PCBP3: variants seen among roughly 807,000 people sequenced by gnomAD.
The protein encoded by PCBP3 is poly(rC)-binding protein 3.
PCBP3 carries 25 observed loss-of-function variants against 52.7 expected under a neutral mutation model. That is an observed-to-expected ratio of 0.47 (90% CI 0.35 to 0.66). The LOEUF (loss-of-function observed/expected upper bound fraction) is 0.66, where lower values mean the gene tolerates loss of function less well. PCBP3 is among the 30% of genes least tolerant of loss of function. The probability of loss-of-function intolerance (pLI) is 0.01; values close to 1 mark genes in which losing one functional copy is unlikely to be tolerated. For synonymous variants in PCBP3, 162 were observed against 183.0 expected (o/e 0.89, Z 0.93); for missense variants, 391 against 490.3 (o/e 0.80, Z 1.91).
chr21:45,803,285 A>T (rs1465406770), intron 4 of PCBP3, among the ~76,000 whole-genome samples: 1 of 152,214 alleles, frequency 6.6e-6, no homozygotes, highest in Non-Finnish European at 1.5e-5. Context: ...GCTTTAAAAT[A>T]AGCAGATTGA....
chr21:45,822,123 G>T lies in PCBP3; in HGVS notation c.-125-27838G>T, dbSNP rs540939843. On this transcript the variant is annotated intron_variant, in intron 4 of 17. Transcript: ENST00000681687. ...GTGTGACTATCACCCATAGCCTCCG[G>T]TATCTCTCTGTGTTCAGTGTGAGGC... Among the ~76,000 whole-genome samples, 205 of 152,278 alleles carry T rather than the reference G, an allele frequency of 1.3e-3. 1 individual carries two copies. Among genetic ancestry groups the T allele is most frequent in the Admixed American group, 2.2e-3 (33 of 15,300 alleles).
At chr21:45,696,376 C>A (rs967414062) in intron 2 of PCBP3, among the ~76,000 whole-genome samples, 2 of 151,846 alleles carry the variant, frequency 1.3e-5, no homozygotes, top group African/African-American at 2.4e-5. Context: ...TATCAGAAGA[C>A]CATTAAGTGA....
chr21:45,868,025 G>C (rs559372447), intron 5 of PCBP3, among the ~76,000 whole-genome samples: 1 of 152,268 alleles, frequency 6.6e-6, no homozygotes, highest in South Asian at 2.1e-4. Flanking sequence ...GCAGCCAGGG[G>C]GTCTGGCACC....
At chr21:45,718,474 G>A (rs150135733) in intron 2 of PCBP3, among the ~76,000 whole-genome samples, 5 of 151,934 alleles carry the variant, frequency 3.3e-5, no homozygotes, top group South Asian at 4.2e-4. Flanking sequence ...TTACAGCTTC[G>A]AAAGACTCCT....
At chr21:45,869,758 C>T (rs1373085100) in intron 5 of PCBP3, among the ~76,000 whole-genome samples, 2 of 152,226 alleles carry the variant, frequency 1.3e-5, no homozygotes, top group Non-Finnish European at 2.9e-5. Context: ...GGCCTGTCCC[C>T]TCGCCACCAA....
chr21:45,771,176 G>A (rs1218412785), intron 4 of PCBP3, among the ~76,000 whole-genome samples: 1 of 152,230 alleles, frequency 6.6e-6, no homozygotes. Context: ...TGCTCTTGTT[G>A]CCTTGAACCA....
At chr21:45,866,369 G>T (rs1218871819) in intron 5 of PCBP3, among the ~76,000 whole-genome samples, 3 of 152,214 alleles carry the variant, frequency 2.0e-5, no homozygotes, top group Admixed American at 1.3e-4. Context: ...TTATCGCAAG[G>T]AAATGACACA....
At chr21:45,785,274 C>A (rs1355461630) in intron 4 of PCBP3, among the ~76,000 whole-genome samples, 1 of 151,898 alleles carries the variant, frequency 6.6e-6, no homozygotes, top group Non-Finnish European at 1.5e-5. Flanking sequence ...GCAGCCACCC[C>A]GTCCAGGAGG....
Position 45,904,129 on chromosome 21 carries a change from T to C in PCBP3, c.339+3016T>C, listed in dbSNP as rs1445558948. 6.6e-6 allele frequency among the ~76,000 whole-genome samples: 1 copy of C among 152,118 alleles called. No homozygotes were observed. The highest frequency in any genetic ancestry group is 2.4e-5 in the African/African-American group (1 of 41,426). On this transcript the variant is annotated intron_variant, in intron 9 of 17. Coordinates refer to ENST00000681687, the MANE Select transcript of PCBP3 (RefSeq NM_001384156.1). The surrounding 1 kb of genome is among the most constrained non-coding windows in gnomAD (Gnocchi z 4.8). ...GGGAAGCAGCCGTAACCTACGCTAT[T>C]ACGTAGGTTATGTAGGGCTGTGCTG...
chr21:45,918,546 G>A (rs777478715), intron 13 of PCBP3: 1 of 82,472 alleles, frequency 1.2e-5, no homozygotes, highest in African/African-American at 5.8e-5. Context: ...AGTGCTGGGG[G>A]AAGAAGTTAC....
chr21:45,777,135 T>G (rs2090320839), intron 4 of PCBP3, among the ~76,000 whole-genome samples: 1 of 152,104 alleles, frequency 6.6e-6, no homozygotes, highest in African/African-American at 2.4e-5. Context: ...TTTGCTTGTC[T>G]TGAAAGGACT....
Position 45,814,655 on chromosome 21 carries a change from GA to G in PCBP3, c.-125-35305del, listed in dbSNP as rs571706575. Among the ~76,000 whole-genome samples the G allele has an allele frequency of 9.7e-4, 131 of 135,574 alleles. 5 individuals are homozygous for G. Among genetic ancestry groups the G allele is most frequent in the African/African-American group, 3.6e-3 (123 of 34,224 alleles). The allele number at this position is 135,574 out of a possible 152,430, so 88.9% of individuals were successfully genotyped here. ...GGTGAGTGGTGAGTGAGTGGTGAGT[GA>G]GTGGTGAGTGATGAGTGGTGAGTGG... On this transcript the variant is annotated intron_variant, in intron 4 of 17. Coordinates refer to ENST00000681687, the MANE Select transcript of PCBP3 (RefSeq NM_001384156.1).
intron 12 of PCBP3, chr21:45,914,330 C>T (rs574090354): frequency 2.3e-5 from 12 of 514,740 alleles, no homozygotes; most frequent in South Asian, 6.1e-5. Flanking sequence ...CTTAGATAGC[C>T]GGCGCGCAGG....
Position 45,647,778 on chromosome 21 carries a change from A to G in PCBP3, c.-279+3910A>G, listed in dbSNP as rs533413442. ...GAGGAGGAGTTGCATGGTAGGTAGA[A>G]TAATGGCTCATAAAGCTGTCCACAT... On this transcript the variant is annotated intron_variant, in intron 1 of 17. Transcript: ENST00000681687. Among the ~76,000 whole-genome samples, 38 of 152,164 alleles carry G rather than the reference A, an allele frequency of 2.5e-4. 1 individual carries two copies. The highest frequency in any genetic ancestry group is 3.7e-4 in the Non-Finnish European group (25 of 68,018).
chr21:45,752,310 A>G (rs992614718), intron 3 of PCBP3, among the ~76,000 whole-genome samples: 1 of 151,142 alleles, frequency 6.6e-6, no homozygotes, highest in South Asian at 2.1e-4. Flanking sequence ...TTATTTTTCT[A>G]TTTCATTAAT....
chr21:45,759,675 C>A (rs2088430118), intron 4 of PCBP3: 1 of 152,192 alleles, frequency 6.6e-6, no homozygotes, highest in Non-Finnish European at 1.5e-5. Flanking sequence ...ACATATAATT[C>A]ATTGGTTTTC....
chr21:45,913,413 G>C (rs1474632318), intron 11 of PCBP3, among the ~76,000 whole-genome samples: 1 of 152,168 alleles, frequency 6.6e-6, no homozygotes, highest in Non-Finnish European at 1.5e-5. Context: ...GAGTCCTACA[G>C]GGCTCAACTT....
chr21:45,687,318 A>G (rs947639552), intron 2 of PCBP3, among the ~76,000 whole-genome samples: 3 of 152,234 alleles, frequency 2.0e-5, no homozygotes, highest in Non-Finnish European at 4.4e-5. Context: ...AAATTTAGGT[A>G]ATAAGAGAAG....
chr21:45,814,429 C>G (rs1425103987), intron 4 of PCBP3, among the ~76,000 whole-genome samples: 57 of 60,218 alleles, frequency 9.5e-4, no homozygotes, highest in East Asian at 2.5e-3. Flanking sequence ...TGAGTGGTGA[C>G]TGAGTGATGA....
Sources: allele counts gnomAD v4.1 joint callset (sites outside exome capture counted in the v4.1 genomes callset), GRCh38; gene constraint gnomAD v4.1.1; non-coding constraint Gnocchi (gnomAD v3.1); transcripts MANE v1.5; gene names NCBI Gene and HGNC (gene_info 2026-07-23, HGNC 2026-07-21).